MEOX2: variants seen among roughly 807,000 people sequenced by gnomAD.
The protein encoded by MEOX2 is homeobox protein MOX-2.
A neutral mutation model predicts 27.0 loss-of-function variants in MEOX2; 11 were observed. The observed-to-expected ratio is 0.41, with a 90% CI of 0.26 to 0.68. The LOEUF (loss-of-function observed/expected upper bound fraction) is 0.68. Ranked by LOEUF, MEOX2 falls within the 30% of genes least tolerant of loss-of-function variation. The pLI is 0.33. For missense variants in MEOX2, 436 were observed against 385.4 expected (o/e 1.13, Z -1.10); for synonymous variants, 189 against 155.4 (o/e 1.22, Z -1.61).
chr7:15,619,985 T>C (rs1446633835), intron 2 of MEOX2, among the ~76,000 whole-genome samples: 1 of 152,112 alleles, frequency 6.6e-6, no homozygotes, highest in African/African-American at 2.4e-5. Flanking sequence ...ATAACCTTTT[T>C]TGTGTGGAAG....
At chr7:15,676,799 A>G (rs1782200521) in intron 1 of MEOX2, among the ~76,000 whole-genome samples, 1 of 151,934 alleles carries the variant, frequency 6.6e-6, no homozygotes, top group African/African-American at 2.4e-5. Flanking sequence ...CAGAGGTTGC[A>G]GTGAGTCAAG....
chr7:15,659,758 C>CAAAAAA (rs58319551), intron 1 of MEOX2, among the ~76,000 whole-genome samples: 35 of 54,164 alleles, frequency 6.5e-4, no homozygotes, highest in African/African-American at 1.5e-3. Context: ...AGACTGCTCT[C>CAAAAAA]AAAAAAAAAA....
At chr7:15,627,917 A>C (rs1781341609) in intron 1 of MEOX2, among the ~76,000 whole-genome samples, 1 of 151,966 alleles carries the variant, frequency 6.6e-6, no homozygotes, top group Non-Finnish European at 1.5e-5. Context: ...AAAAGGGCAC[A>C]TTAATGCTCT....
In MEOX2 at chr7:15,611,549, T is replaced by C. The variant is rs535655030; in HGVS notation, c.*838A>G. Reference sequence around the variant, plus strand: ...ATCCTAATTGTTTTAAGCTATAAGATAGGAAGAATTCAGGAGCTAGGTAAG... The same window carrying C: ...ATCCTAATTGTTTTAAGCTATAAGACAGGAAGAATTCAGGAGCTAGGTAAG... On this transcript the variant is annotated 3_prime_UTR_variant, in exon 3 of 3. Transcript: ENST00000262041. 7 of 152,736 alleles carry C rather than the reference T, an allele frequency of 4.6e-5. No individual in the cohort carries two copies. Among genetic ancestry groups the C allele is most frequent in the Admixed American group, 3.9e-4 (6 of 15,300 alleles). The allele number at this position is 152,736 out of a possible 1,614,324, so 9.5% of individuals were successfully genotyped here.
chr7:15,680,836 G>C (rs879306267), intron 1 of MEOX2: 6 of 151,558 alleles, frequency 4.0e-5, no homozygotes, highest in Non-Finnish European at 7.4e-5. Flanking sequence ...GTGGACTTTG[G>C]CCTTAGTTTG....
intron 1 of MEOX2, among the ~76,000 whole-genome samples, chr7:15,685,528 C>G (rs188582582): frequency 6.6e-6 from 1 of 152,218 alleles, no homozygotes; most frequent in Admixed American, 6.5e-5. Context: ...CACGCCTGCC[C>G]AACGGACGCT....
In MEOX2 at chr7:15,617,859, T is replaced by G. The variant is rs570537455; in HGVS notation, c.691-5248A>C. Reference sequence around the variant, plus strand: ...TTGTGGATCAGGCTCATTAATGTAATCATAACATTTAAAATTACACATTTC... The same window carrying G: ...TTGTGGATCAGGCTCATTAATGTAAGCATAACATTTAAAATTACACATTTC... On this transcript the variant is annotated intron_variant, in intron 2 of 2. Transcript: ENST00000262041. Among the ~76,000 whole-genome samples, 9 of 152,214 alleles carry G rather than the reference T, an allele frequency of 5.9e-5. No individual in the cohort carries two copies. In the East Asian group the frequency reaches 1.7e-3, roughly 29 times the overall value.
At chr7:15,642,777 GT>G (rs2115371769) in intron 1 of MEOX2, among the ~76,000 whole-genome samples, 1 of 152,292 alleles carries the variant, frequency 6.6e-6, no homozygotes, top group Non-Finnish European at 1.5e-5. Context: ...TTGAGTGGAG[GT>G]TTCCCCCTCT....
chr7:15,683,906 A>G (rs987397448), intron 1 of MEOX2, among the ~76,000 whole-genome samples: 2 of 152,118 alleles, frequency 1.3e-5, no homozygotes, highest in African/African-American at 4.8e-5. Context: ...TTTTTCCAGT[A>G]CCCTCATTAT....
At chr7:15,651,207 A>G (rs1781728432) in intron 1 of MEOX2, among the ~76,000 whole-genome samples, 1 of 152,026 alleles carries the variant, frequency 6.6e-6, no homozygotes, top group African/African-American at 2.4e-5. Context: ...GTATGTATAA[A>G]TGAAATGTGA....
At chr7:15,640,332 G>C (rs1250639282) in intron 1 of MEOX2, among the ~76,000 whole-genome samples, 1 of 151,646 alleles carries the variant, frequency 6.6e-6, no homozygotes. Context: ...CTGAGATTGA[G>C]CACTGTTGTT....
intron 1 of MEOX2, among the ~76,000 whole-genome samples, chr7:15,648,888 C>G (rs1583766658): frequency 6.6e-6 from 1 of 152,050 alleles, no homozygotes; most frequent in African/African-American, 2.4e-5. Context: ...TTGGCACCCA[C>G]TTGCCAGCAC....
chr7:15,651,372 G>A (rs1781730435), intron 1 of MEOX2, among the ~76,000 whole-genome samples: 1 of 151,790 alleles, frequency 6.6e-6, no homozygotes, highest in Non-Finnish European at 1.5e-5. Flanking sequence ...GTTCTTAATG[G>A]TCTAAAAATT....
chr7:15,642,237 C>G (rs1336824427), intron 1 of MEOX2, among the ~76,000 whole-genome samples: 1 of 152,200 alleles, frequency 6.6e-6, no homozygotes, highest in African/African-American at 2.4e-5. Flanking sequence ...TCTTCTCTCT[C>G]TGGAGAGCCT....
intron 1 of MEOX2, among the ~76,000 whole-genome samples, chr7:15,644,888 G>C (rs1336721032): frequency 6.6e-6 from 1 of 152,108 alleles, no homozygotes; most frequent in African/African-American, 2.4e-5. Flanking sequence ...GACTTCAAGA[G>C]GGTTACAAAC....
At chr7:15,622,826 C>T (rs893100506) in intron 2 of MEOX2, among the ~76,000 whole-genome samples, 1 of 152,026 alleles carries the variant, frequency 6.6e-6, no homozygotes, top group African/African-American at 2.4e-5. Flanking sequence ...GAGATGGGGC[C>T]CTTGGAATGA....
intron 1 of MEOX2, among the ~76,000 whole-genome samples, chr7:15,654,497 C>T (rs569717699): frequency 6.6e-6 from 1 of 151,570 alleles, no homozygotes; most frequent in Non-Finnish European, 1.5e-5. Flanking sequence ...AAGGGTAAAA[C>T]ATTCAGTCTT....
chr7:15,646,924 T>C (rs1040211906), intron 1 of MEOX2, among the ~76,000 whole-genome samples: 1 of 152,024 alleles, frequency 6.6e-6, no homozygotes, highest in Non-Finnish European at 1.5e-5. Context: ...AAAATATATT[T>C]GCTACATTAA....
At chr7:15,633,346 A>G (rs1781431030) in intron 1 of MEOX2, among the ~76,000 whole-genome samples, 1 of 151,966 alleles carries the variant, frequency 6.6e-6, no homozygotes, top group Non-Finnish European at 1.5e-5. Context: ...GTATTACTGC[A>G]TATTTGAGAA....
Sources: allele counts gnomAD v4.1 joint callset (sites outside exome capture counted in the v4.1 genomes callset), GRCh38; gene constraint gnomAD v4.1.1; transcripts MANE v1.5; gene names NCBI Gene and HGNC (gene_info 2026-07-23, HGNC 2026-07-21).